Variants in MAN1A1 observed in about 807,000 individuals in gnomAD.
The protein encoded by MAN1A1 is mannosyl-oligosaccharide 1,2-alpha-mannosidase IA.
MAN1A1 carries 29 observed loss-of-function variants against 70.8 expected under a neutral mutation model. That is an observed-to-expected ratio of 0.41 (90% CI 0.31 to 0.56). The LOEUF (loss-of-function observed/expected upper bound fraction) is 0.56, where lower values mean the gene tolerates loss of function less well. MAN1A1 is among the 20% of genes least tolerant of loss of function. The pLI is 0.29. For missense variants in MAN1A1, 747 were observed against 841.3 expected, an observed-to-expected ratio of 0.89 and a Z score of 1.39; for synonymous variants, 349 against 330.1, an observed-to-expected ratio of 1.06 and a Z score of -0.62.
intron 5 of MAN1A1, among the ~76,000 whole-genome samples, chr6:119,255,214 G>C (rs1051920765): frequency 2.6e-5 from 4 of 152,188 alleles, no homozygotes; most frequent in African/African-American, 9.6e-5. Flanking sequence ...TTTCAGTTCA[G>C]ACATGCTTCA....
chr6:119,249,408 A>G (rs1003890618), intron 5 of MAN1A1, among the ~76,000 whole-genome samples: 5 of 152,146 alleles, frequency 3.3e-5, no homozygotes, highest in African/African-American at 1.2e-4. Context: ...GTCCAAAGAA[A>G]AGCTCTAGCT....
chr6:119,280,114 G>C (rs1322485220), intron 5 of MAN1A1, among the ~76,000 whole-genome samples: 1 of 152,084 alleles, frequency 6.6e-6, no homozygotes, highest in East Asian at 1.9e-4. Flanking sequence ...TAAATATTAA[G>C]GCCTATTTTC....
Position 119,306,940 on chromosome 6 carries a change from T to A in MAN1A1, c.656A>T (p.Glu219Val). 6.2e-7 allele frequency: 1 copy of A among 1,602,074 alleles called. No individual in the cohort carries two copies. Among genetic ancestry groups the A allele is most frequent in the Non-Finnish European group, 8.6e-7 (1 of 1,169,192 alleles). ...NYKGYAWGLNELKPISKGGHS... is the reference protein window; with the variant it reads ...NYKGYAWGLNVLKPISKGGHS... ...GCCTCCTTTTGATATAGGTTTGAGT[T>A]CATTTAATCCCCAGGCATAACCTTT... Residue 219 changes from glutamate to valine, a missense_variant, in exon 3 of 13, where the codon GAA (glutamate) becomes GTA (valine). By Grantham distance (121) the Glu-to-Val change is moderately radical (BLOSUM62 -2). Coordinates refer to ENST00000368468, the MANE Select transcript of MAN1A1 (RefSeq NM_005907.4).
chr6:119,244,643 GA>G (rs1245048106), intron 6 of MAN1A1, among the ~76,000 whole-genome samples: 1 of 152,002 alleles, frequency 6.6e-6, no homozygotes, highest in Non-Finnish European at 1.5e-5. Context: ...CACAAATACT[GA>G]AATACAACTT....
At chr6:119,266,256 T>G (rs1775750769) in intron 5 of MAN1A1, among the ~76,000 whole-genome samples, 1 of 152,118 alleles carries the variant, frequency 6.6e-6, no homozygotes, top group South Asian at 2.1e-4. Context: ...GATTATGAAG[T>G]TTATGTGGAG....
At position 119,284,237 on chromosome 6, in the gene MAN1A1, G is replaced by A. The variant is rs58218018; in HGVS notation, c.897+6446C>T. ...TTGATTTCTTCCAAATAGTGATTGT[G>A]ATCTGGAGCACATCTCTCACGGTTT... On this transcript the variant is annotated intron_variant, in intron 5 of 12. Transcript: ENST00000368468. 5.3e-3 allele frequency among the ~76,000 whole-genome samples: 814 copies of A among 152,244 alleles called. 7 individuals are homozygous for A. Among genetic ancestry groups the A allele is most frequent in the African/African-American group, 0.019 (776 of 41,532 alleles).
intron 6 of MAN1A1, among the ~76,000 whole-genome samples, chr6:119,233,616 A>T (rs1214426581): frequency 6.6e-6 from 1 of 152,262 alleles, no homozygotes; most frequent in Non-Finnish European, 1.5e-5. Flanking sequence ...TGCAATAAGC[A>T]CAGGGTACAA....
In MAN1A1 at chr6:119,349,084, G is replaced by C. The variant is rs1773828240; in HGVS notation, c.-19C>G. ...CGGGCATCGCTCCCGCTGTCCAGTG[G>C]TCCGGCGCCGCGCCGCTCAGCAGCC... On this transcript the variant is annotated 5_prime_UTR_variant, in exon 2 of 13. Coordinates refer to ENST00000368468, the MANE Select transcript of MAN1A1 (RefSeq NM_005907.4). The C allele has an allele frequency of 7.8e-7, 1 of 1,284,330 alleles. No individual in the cohort carries two copies. Among genetic ancestry groups the C allele is most frequent in the Non-Finnish European group, 9.8e-7 (1 of 1,015,456 alleles). 79.6% of individuals were successfully genotyped at this position (1,284,330 alleles called of 1,614,324 possible).
rs928200734 is a variant in MAN1A1, at chr6:119,220,118, G to T, written c.993-15236C>A. Among the ~76,000 whole-genome samples, 17 of 152,160 alleles carry T rather than the reference G, an allele frequency of 1.1e-4. 1 individual carries two copies. The highest frequency in any genetic ancestry group is 3.6e-4 in the African/African-American group (15 of 41,512). On this transcript the variant is annotated intron_variant, in intron 6 of 12. Transcript: ENST00000368468. ...TTTACCACAATCTTCATTTTAGAAT[G>T]ATTTTCAAAAGACTACCATAGAAAT...
chr6:119,313,326 C>T (rs1389306708), intron 2 of MAN1A1, among the ~76,000 whole-genome samples: 1 of 152,106 alleles, frequency 6.6e-6, no homozygotes, highest in Non-Finnish European at 1.5e-5. Flanking sequence ...CACATCATTC[C>T]TCAGTGAGCG....
intron 6 of MAN1A1, among the ~76,000 whole-genome samples, chr6:119,236,954 C>T (rs1365475282): frequency 1.3e-5 from 2 of 151,974 alleles, no homozygotes; most frequent in Non-Finnish European, 2.9e-5. Context: ...ACCATTCTAA[C>T]CCTCCTGGAT....
upstream of MAN1A1, among the ~76,000 whole-genome samples, chr6:119,350,097 G>C (rs1011247559): frequency 2.6e-5 from 4 of 152,176 alleles, no homozygotes; most frequent in African/African-American, 9.7e-5. Context: ...GGGGTCCCCG[G>C]GGTGGTTGAT....
chr6:119,224,352 G>A, intron 6 of MAN1A1, among the ~76,000 whole-genome samples: 1 of 152,160 alleles, frequency 6.6e-6, no homozygotes, highest in East Asian at 1.9e-4. Flanking sequence ...TCAGAAGACA[G>A]AGCTTAGCAA....
intron 4 of MAN1A1, among the ~76,000 whole-genome samples, chr6:119,291,567 T>G (rs1162623200): frequency 6.6e-6 from 1 of 151,936 alleles, no homozygotes; most frequent in Non-Finnish European, 1.5e-5. Context: ...ATTTTATTCA[T>G]TTGTCTGCTT....
chr6:119,240,094 C>T (rs1290200562), intron 6 of MAN1A1, among the ~76,000 whole-genome samples: 1 of 152,160 alleles, frequency 6.6e-6, no homozygotes, highest in Non-Finnish European at 1.5e-5. Flanking sequence ...AAGTAGTGGT[C>T]ATATTTAACA....
At chr6:119,232,956 G>C (rs775121538) in intron 6 of MAN1A1, among the ~76,000 whole-genome samples, 2 of 152,036 alleles carry the variant, frequency 1.3e-5, no homozygotes, top group East Asian at 3.9e-4. Flanking sequence ...AATTCTTAAG[G>C]ATTATTCTAT....
intron 2 of MAN1A1, chr6:119,327,312 G>C (rs1409546236): frequency 2.6e-5 from 4 of 151,518 alleles, no homozygotes; most frequent in Non-Finnish European, 5.9e-5. Context: ...ATGAACACTG[G>C]AACAACACAG....
At chr6:119,227,135 C>T (rs930592115) in intron 6 of MAN1A1, among the ~76,000 whole-genome samples, 3 of 152,012 alleles carry the variant, frequency 2.0e-5, no homozygotes, top group African/African-American at 4.8e-5. Flanking sequence ...ACTAATGAAC[C>T]GCAAACACCA....
At chr6:119,334,110 G>A (rs1582813107) in intron 2 of MAN1A1, among the ~76,000 whole-genome samples, 1 of 152,098 alleles carries the variant, frequency 6.6e-6, no homozygotes, top group African/African-American at 2.4e-5. Flanking sequence ...AAATTACAAT[G>A]GTTTATTTTC....
Sources: allele counts gnomAD v4.1 joint callset (sites outside exome capture counted in the v4.1 genomes callset), GRCh38; gene constraint gnomAD v4.1.1; transcripts MANE v1.5; gene names NCBI Gene and HGNC (gene_info 2026-07-23, HGNC 2026-07-21).